CTNNA2: variants seen among roughly 807,000 people sequenced by gnomAD.
CTNNA2 encodes the protein catenin alpha-2.
Under a neutral mutation model 101.0 loss-of-function variants are expected in CTNNA2, and 42 were observed. The ratio of observed to expected loss-of-function variants is 0.42; its 90% confidence interval spans 0.32 to 0.54. The LOEUF (loss-of-function observed/expected upper bound fraction) is 0.54. Ranked by LOEUF, CTNNA2 falls within the 20% of genes least tolerant of loss-of-function variation. The pLI, the probability that CTNNA2 is intolerant of heterozygous loss-of-function variation, is 0.14. For synonymous variants in CTNNA2, 450 were observed against 456.4 expected (o/e 0.99, Z 0.18); for missense variants, 871 against 1,223.1 (o/e 0.71, Z 4.29).
intron 7 of CTNNA2, among the ~76,000 whole-genome samples, chr2:80,278,119 A>G (rs1484995333): frequency 6.6e-6 from 1 of 152,074 alleles, no homozygotes; most frequent in Admixed American, 6.6e-5. Flanking sequence ...TTCCTCTTCT[A>G]TGAAGTAGGG....
At chr2:79,759,045 C>CTAAG (rs1177664858) in intron 3 of CTNNA2, among the ~76,000 whole-genome samples, 1 of 152,120 alleles carries the variant, frequency 6.6e-6, no homozygotes, top group African/African-American at 2.4e-5. Context: ...CATTGTGGAG[C>CTAAG]TAAGCAGACA....
intron 7 of CTNNA2, among the ~76,000 whole-genome samples, chr2:80,046,204 T>A (rs1696510050): frequency 6.6e-6 from 1 of 152,174 alleles, no homozygotes; most frequent in East Asian, 1.9e-4. Flanking sequence ...TTGAGGAAGT[T>A]GCTGAGAAGT....
At chr2:79,560,571 G>T (rs1231096279) in intron 1 of CTNNA2, among the ~76,000 whole-genome samples, 1 of 151,852 alleles carries the variant, frequency 6.6e-6, no homozygotes, top group Non-Finnish European at 1.5e-5. Context: ...ATAATGATGT[G>T]TCTCTCTATT....
At chr2:79,835,262 A>G (rs1401905633) in intron 3 of CTNNA2, among the ~76,000 whole-genome samples, 1 of 152,194 alleles carries the variant, frequency 6.6e-6, no homozygotes, top group African/African-American at 2.4e-5. Context: ...TGTTTATTTA[A>G]AACTTTTGTA....
intron 2 of CTNNA2, among the ~76,000 whole-genome samples, chr2:79,254,754 A>C (rs796646775): frequency 1.9e-4 from 27 of 145,836 alleles, no homozygotes; most frequent in Non-Finnish European, 9.0e-5. Flanking sequence ...TTTACTTACT[A>C]AAGTTTTAAT....
At chr2:79,951,326 G>C (rs1432337810) in intron 7 of CTNNA2, among the ~76,000 whole-genome samples, 2 of 152,144 alleles carry the variant, frequency 1.3e-5, no homozygotes, top group African/African-American at 4.8e-5. Context: ...TGTACAGCCA[G>C]GGTTAGTAAT....
intron 4 of CTNNA2, among the ~76,000 whole-genome samples, chr2:79,470,438 G>T (rs1257795613): frequency 6.6e-6 from 1 of 152,162 alleles, no homozygotes; most frequent in Non-Finnish European, 1.5e-5. Flanking sequence ...GGCAAGAAGG[G>T]ATATTACAAA....
intron 7 of CTNNA2, among the ~76,000 whole-genome samples, chr2:79,940,357 T>A (rs1357882032): frequency 6.6e-6 from 1 of 152,234 alleles, no homozygotes; most frequent in East Asian, 1.9e-4. Context: ...GTTGTGTTTT[T>A]AAAGATAATT....
At chr2:80,363,688 T>C (rs537084044) in intron 7 of CTNNA2, among the ~76,000 whole-genome samples, 12 of 152,258 alleles carry the variant, frequency 7.9e-5, no homozygotes, top group African/African-American at 2.9e-4. Context: ...TACACACCAA[T>C]AAATAATGTG....
chr2:80,191,890 T>A (rs1223283233), intron 7 of CTNNA2, among the ~76,000 whole-genome samples: 1 of 152,188 alleles, frequency 6.6e-6, no homozygotes, highest in East Asian at 1.9e-4. Context: ...AACATGGACA[T>A]CTTTTACTTC....
At chr2:79,687,795 G>C (rs887543104) in intron 2 of CTNNA2, 2 of 467,126 alleles carry the variant, frequency 4.3e-6, no homozygotes, top group Admixed American at 4.2e-5. Flanking sequence ...AAATACAGGC[G>C]CCAAAAATGG....
chr2:80,183,003 C>G (rs567115090), intron 7 of CTNNA2, among the ~76,000 whole-genome samples: 1 of 152,318 alleles, frequency 6.6e-6, no homozygotes. Flanking sequence ...TCGGTTAGGA[C>G]AGTTTGCTGT....
chr2:80,519,815 T>A (rs1297972606), intron 9 of CTNNA2, among the ~76,000 whole-genome samples: 1 of 152,104 alleles, frequency 6.6e-6, no homozygotes, highest in Non-Finnish European at 1.5e-5. Context: ...AATAACTAAG[T>A]CCTAAGAGGC....
intron 7 of CTNNA2, among the ~76,000 whole-genome samples, chr2:80,032,298 G>A (rs921637): frequency 0.51 from 77,813 of 151,970 alleles, 21,340 homozygotes; most frequent in African/African-American, 0.69. Flanking sequence ...GGTTTTACTT[G>A]TGGATAATAC....
chr2:79,900,932 A>G (rs944730956), intron 6 of CTNNA2, among the ~76,000 whole-genome samples: 1 of 152,168 alleles, frequency 6.6e-6, no homozygotes, highest in Non-Finnish European at 1.5e-5. Flanking sequence ...AGATACACGT[A>G]CTATGTAGCC....
intron 7 of CTNNA2, among the ~76,000 whole-genome samples, chr2:80,096,170 T>C (rs1176612566): frequency 1.3e-5 from 2 of 152,146 alleles, no homozygotes; most frequent in Non-Finnish European, 2.9e-5. Context: ...TACACACTGC[T>C]TTGAATGTGT....
At chr2:80,426,591 C>G (rs1681016105) in intron 9 of CTNNA2, among the ~76,000 whole-genome samples, 1 of 152,144 alleles carries the variant, frequency 6.6e-6, no homozygotes, top group African/African-American at 2.4e-5. Context: ...TCTAATAATG[C>G]AAATAAAATC....
intron 4 of CTNNA2, among the ~76,000 whole-genome samples, chr2:79,436,108 T>G (rs1291526939): frequency 6.6e-6 from 1 of 152,160 alleles, no homozygotes; most frequent in Non-Finnish European, 1.5e-5. Flanking sequence ...CCACAGGCTT[T>G]TCTGATGCAG....
chr2:80,622,587 T>C (rs1671242010), intron 18 of CTNNA2, among the ~76,000 whole-genome samples: 1 of 151,928 alleles, frequency 6.6e-6, no homozygotes, highest in Admixed American at 6.6e-5. Flanking sequence ...TATGCAAGTC[T>C]CCTTCCCATA....
Sources: allele counts gnomAD v4.1 joint callset (sites outside exome capture counted in the v4.1 genomes callset), GRCh38; gene constraint gnomAD v4.1.1; transcripts MANE v1.5; gene names NCBI Gene and HGNC (gene_info 2026-07-23, HGNC 2026-07-21).